NEGR1: variants seen among roughly 807,000 people sequenced by gnomAD.
NEGR1 encodes the protein IgLON family member 4.
Under a neutral mutation model 40.9 loss-of-function variants are expected in NEGR1, and 10 were observed. The ratio of observed to expected loss-of-function variants is 0.24; its 90% CI spans 0.15 to 0.42. The LOEUF is 0.42. NEGR1 is among the 10% of genes least tolerant of loss of function. The probability of loss-of-function intolerance (pLI) is 1.00; values close to 1 mark genes in which losing one functional copy is unlikely to be tolerated. For missense variants in NEGR1, 352 were observed against 438.9 expected (o/e 0.80, Z 1.77); for synonymous variants, 185 against 166.8 (o/e 1.11, Z -0.84).
chr1:72,118,945 A>G (rs937412124), intron 1 of NEGR1, among the ~76,000 whole-genome samples: 1 of 151,740 alleles, frequency 6.6e-6, no homozygotes, highest in South Asian at 2.1e-4. Context: ...CACAATATTA[A>G]AAAAACTTGC....
intron 4 of NEGR1, among the ~76,000 whole-genome samples, chr1:71,638,632 G>C (rs1178028862): frequency 1.3e-5 from 2 of 152,026 alleles, no homozygotes; most frequent in Non-Finnish European, 2.9e-5. Context: ...AGTTCTGTAA[G>C]TACTATTATG....
intron 1 of NEGR1, among the ~76,000 whole-genome samples, chr1:72,218,449 G>A (rs1653898492): frequency 6.6e-6 from 1 of 151,750 alleles, no homozygotes; most frequent in African/African-American, 2.4e-5. Flanking sequence ...TTGTGTTTAT[G>A]GTATATGTTG....
At chr1:72,019,103 G>T (rs532786369) in intron 1 of NEGR1, among the ~76,000 whole-genome samples, 1 of 152,124 alleles carries the variant, frequency 6.6e-6, no homozygotes, top group Non-Finnish European at 1.5e-5. Flanking sequence ...AGGAACAAGG[G>T]GAGAAGTCAA....
chr1:71,993,078 A>G (rs1190350208), intron 1 of NEGR1, among the ~76,000 whole-genome samples: 2 of 152,168 alleles, frequency 1.3e-5, no homozygotes, highest in Non-Finnish European at 1.5e-5. Context: ...AATATAGTAC[A>G]TAGTATATTC....
At chr1:71,565,057 G>C (rs1648576861) in intron 6 of NEGR1, among the ~76,000 whole-genome samples, 2 of 152,118 alleles carry the variant, frequency 1.3e-5, no homozygotes, top group African/African-American at 2.4e-5. Flanking sequence ...TCAGTACTGA[G>C]ATCCTCTTCC....
chr1:71,969,615 G>A (rs1646239696), intron 1 of NEGR1, among the ~76,000 whole-genome samples: 1 of 152,196 alleles, frequency 6.6e-6, no homozygotes, highest in East Asian at 1.9e-4. Context: ...ACCATTGGGG[G>A]CAGGTGTGGA....
chr1:71,957,007 C>T (rs1036077046), intron 1 of NEGR1, among the ~76,000 whole-genome samples: 5 of 152,110 alleles, frequency 3.3e-5, no homozygotes, highest in Admixed American at 6.6e-5. Context: ...AGCACATTTC[C>T]TCATCGCAGG....
intron 3 of NEGR1, among the ~76,000 whole-genome samples, chr1:71,738,903 T>C (rs148438528): frequency 4.8e-4 from 73 of 152,226 alleles, no homozygotes; most frequent in African/African-American, 1.7e-3. Context: ...AAAAATTACA[T>C]AGCATGAGTT....
intron 6 of NEGR1, among the ~76,000 whole-genome samples, chr1:71,453,896 G>A (rs1307930646): frequency 6.6e-6 from 1 of 152,102 alleles, no homozygotes; most frequent in Non-Finnish European, 1.5e-5. Flanking sequence ...TTAGAAATCA[G>A]AATTCTATAC....
chr1:72,220,874 C>G (rs1344669464), intron 1 of NEGR1, among the ~76,000 whole-genome samples: 2 of 143,184 alleles, frequency 1.4e-5, no homozygotes, highest in African/African-American at 5.1e-5. Context: ...TTATAATTAT[C>G]TTTTAGATTT....
chr1:72,114,157 C>A (rs1471840326), intron 1 of NEGR1, among the ~76,000 whole-genome samples: 1 of 151,510 alleles, frequency 6.6e-6, no homozygotes, highest in Non-Finnish European at 1.5e-5. Flanking sequence ...TTGGATGTTT[C>A]TCTGAGGGTA....
intron 1 of NEGR1, among the ~76,000 whole-genome samples, chr1:72,004,959 G>A (rs971808407): frequency 6.6e-5 from 10 of 152,084 alleles, no homozygotes; most frequent in African/African-American, 2.2e-4. Flanking sequence ...TGGTAGTCAT[G>A]TTACACATCA....
intron 6 of NEGR1, chr1:71,421,325 T>C (rs1646392180): frequency 6.6e-6 from 1 of 152,114 alleles, no homozygotes; most frequent in South Asian, 2.1e-4. Context: ...CAGACATCTC[T>C]GCATAAAATT....
intron 1 of NEGR1, among the ~76,000 whole-genome samples, chr1:72,075,057 T>C (rs1647662971): frequency 6.6e-6 from 1 of 152,160 alleles, no homozygotes; most frequent in South Asian, 2.1e-4. Flanking sequence ...CCAACTGATA[T>C]GACACTTGAA....
intron 6 of NEGR1, among the ~76,000 whole-genome samples, chr1:71,504,226 A>C (rs538946565): frequency 3.3e-5 from 5 of 152,184 alleles, no homozygotes; most frequent in East Asian, 1.9e-4. Context: ...CAAAAAAATT[A>C]CAAAAAAAGA....
intron 1 of NEGR1, among the ~76,000 whole-genome samples, chr1:72,131,182 A>G (rs1457657332): frequency 6.6e-6 from 1 of 152,182 alleles, no homozygotes; most frequent in Admixed American, 6.6e-5. Flanking sequence ...TGTATAATTT[A>G]ACATCTAGAA....
At chr1:72,208,098 T>C (rs1570122805) in intron 1 of NEGR1, among the ~76,000 whole-genome samples, 1 of 151,812 alleles carries the variant, frequency 6.6e-6, no homozygotes, top group South Asian at 2.1e-4. Flanking sequence ...AGAGATCCTG[T>C]CATCTGGGCA....
chr1:72,173,611 G>A (rs556694916), intron 1 of NEGR1, among the ~76,000 whole-genome samples: 1 of 151,820 alleles, frequency 6.6e-6, no homozygotes, highest in African/African-American at 2.4e-5. Flanking sequence ...TCTTTTCATT[G>A]TTATTCCTGC....
intron 3 of NEGR1, among the ~76,000 whole-genome samples, chr1:71,762,161 T>G (rs1655967087): frequency 6.6e-6 from 1 of 151,910 alleles, no homozygotes; most frequent in African/African-American, 2.4e-5. Context: ...CTTAAAAAGC[T>G]GTGCAGAGAT....
Sources: gnomAD v4.1 joint callset for allele counts (sites outside exome capture counted in the v4.1 genomes callset) on GRCh38, gnomAD v4.1.1 for gene constraint, MANE v1.5 for transcripts, NCBI Gene and HGNC (gene_info 2026-07-23, HGNC 2026-07-21) for gene names.